The following GCFC2 variants were observed in gnomAD, a reference collection of about 807,000 sequenced individuals.
GCFC2 encodes intron Large complex component GCFC2.
Under a neutral mutation model 99.4 loss-of-function variants are expected in GCFC2, and 102 were observed. The observed-to-expected ratio is 1.03, with a 90% CI of 0.87 to 1.21. The LOEUF (loss-of-function observed/expected upper bound fraction) is 1.21. GCFC2 is among the 50% of genes most tolerant of loss of function. The pLI, the probability that GCFC2 is intolerant of heterozygous loss-of-function variation, is 0.00. For missense variants in GCFC2, 973 were observed against 920.9 expected (o/e 1.06, Z -0.73); for synonymous variants, 338 against 316.8 (o/e 1.07, Z -0.71).
At chr2:75,699,395 C>T (rs2104389139) in intron 4 of GCFC2, among the ~76,000 whole-genome samples, 1 of 152,266 alleles carries the variant, frequency 6.6e-6, no homozygotes, top group Admixed American at 6.5e-5. Flanking sequence ...ACACTAACAT[C>T]TCCATGAATG....
chr2:75,691,532 A>C (rs1298072324), intron 7 of GCFC2, among the ~76,000 whole-genome samples: 4 of 152,140 alleles, frequency 2.6e-5, no homozygotes, highest in African/African-American at 9.7e-5. Context: ...TAGCACCTTA[A>C]TCAAAGGAAG....
At chr2:75,668,607 GAACCCAA>G (rs1678954133) in intron 15 of GCFC2, among the ~76,000 whole-genome samples, 1 of 152,014 alleles carries the variant, frequency 6.6e-6, no homozygotes, top group Admixed American at 6.6e-5. Flanking sequence ...TAACTTTTGT[GAACCCAA>G]AAGTATCTGA....
chr2:75,669,818 G>A (rs1469344091), intron 15 of GCFC2, among the ~76,000 whole-genome samples: 1 of 151,946 alleles, frequency 6.6e-6, no homozygotes, highest in African/African-American at 2.4e-5. Context: ...TCTGCCTCCT[G>A]GGTTCAGGCG....
At chr2:75,689,922 C>G in intron 9 of GCFC2, 47 bp downstream of exon 9, 1 of 971,144 alleles carries the variant, frequency 1.0e-6, no homozygotes, top group Non-Finnish European at 1.6e-6. Context: ...GTGTTTCTCA[C>G]CATTTCAAAA....
At position 75,691,986 on chromosome 2, in the gene GCFC2, G is replaced by A; in HGVS notation, c.1135C>T (p.Gln379Ter). The A allele has an allele frequency of 1.3e-6, 2 of 1,527,982 alleles. No individual in the cohort carries two copies. The highest frequency in any genetic ancestry group is 1.8e-6 in the Non-Finnish European group (2 of 1,129,386). 94.7% of individuals were successfully genotyped at this position (1,527,982 alleles called of 1,614,324 possible). A position where few individuals can be genotyped will look rare whatever the true frequency, so the allele number is the denominator to read the frequency against. ...ELKHESTYLQ[Q>*]LSRKDETSTS... The stretch of plus-strand genomic sequence containing the variant: ...CACGAAAAACACTAACGTGATAACT[G>A]TTGTAAATACGTTGATTCATGTTTT... Residue 379 changes from glutamine (Q) to a stop codon, truncating the protein, a stop_gained, in exon 7 of 17, where the codon CAG becomes TAG. Coordinates refer to ENST00000321027, the MANE Select transcript of GCFC2 (RefSeq NM_003203.5). LOFTEE classifies it high-confidence loss of function.
intron 16 of GCFC2, among the ~76,000 whole-genome samples, chr2:75,665,484 G>A (rs575406466): frequency 3.7e-4 from 56 of 152,074 alleles, no homozygotes; most frequent in Middle Eastern, 3.4e-3. Flanking sequence ...TTTTTGGAGA[G>A]GGAGTTAACA....
chr2:75,699,759 T>A (rs1004946748), intron 4 of GCFC2, among the ~76,000 whole-genome samples: 1 of 151,848 alleles, frequency 6.6e-6, no homozygotes, highest in Non-Finnish European at 1.5e-5. Flanking sequence ...TTGTTTTTAG[T>A]AGAGTTCAGG....
intron 15 of GCFC2, 93 bp downstream of exon 15, chr2:75,670,045 C>A: frequency 2.5e-6 from 2 of 802,166 alleles, no homozygotes; most frequent in East Asian, 2.7e-5. Context: ...TATATGAGTA[C>A]CACACATTTA....
At position 75,705,903 on chromosome 2, in the gene GCFC2, G is replaced by T. The variant is rs951338996; in HGVS notation, c.394+620C>A. 2.0e-5 allele frequency among the ~76,000 whole-genome samples: 3 copies of T among 152,212 alleles called. No individual in the cohort carries two copies. In the East Asian group the frequency reaches 5.8e-4, roughly 29 times the overall value. On this transcript the variant is annotated intron_variant, in intron 2 of 16. Transcript: ENST00000321027. The stretch of plus-strand genomic sequence containing the variant: ...TCAACTCTGCTGCTGCAGTGCAAAA[G>T]CACCCACAAATATTAAGTAACTGAA...
At chr2:75,689,346 A>G (rs1210721208) in intron 9 of GCFC2, 121 bp from the exon 10 acceptor site, 3 of 562,806 alleles carry the variant, frequency 5.3e-6, no homozygotes, top group African/African-American at 2.0e-5. Context: ...TTATATTAAT[A>G]TAAATTTTTA....
At chr2:75,683,771 C>CAAAAAAAAAAAAAAGAAAAA (rs1679684754) in intron 11 of GCFC2, among the ~76,000 whole-genome samples, 1 of 60,424 alleles carries the variant, frequency 1.7e-5, no homozygotes, top group Non-Finnish European at 3.1e-5. Context: ...AAATGGAAAG[C>CAAAAAAAAAAAAAAGAAAAA]AAAAAAAAAA....
chr2:75,696,787 T>C (rs1284305588), intron 4 of GCFC2, among the ~76,000 whole-genome samples: 2 of 152,124 alleles, frequency 1.3e-5, no homozygotes, highest in Admixed American at 1.3e-4. Flanking sequence ...CTTTAAGACA[T>C]TCTTTCTTTT....
In GCFC2 at chr2:75,696,241, C is replaced by A. The variant is rs553656228; in HGVS notation, c.792G>T (p.Pro264=). 3.4e-6 allele frequency: 5 copies of A among 1,485,954 alleles called. 1 individual carries two copies. In the South Asian group the frequency reaches 3.4e-5, roughly 10 times the overall value. The allele number at this position is 1,485,954 out of a possible 1,614,324, so 92.0% of individuals were successfully genotyped here. The change falls in exon 5 of 17, where the codon CCG becomes CCT. Residue 264 remains proline, a synonymous_variant. Transcript: ENST00000321027. ...TCTTTATAATTTCTAAATTTACTGGCGGAAATGAAATGGAAGTATCAAATT... is the reference window on the plus strand; with the variant it reads ...TCTTTATAATTTCTAAATTTACTGGAGGAAATGAAATGGAAGTATCAAATT... ...VKKFDTSISF[P]PVNLEIIKKQ... is the part of the protein sequence containing the mutation.
In GCFC2 at chr2:75,670,278, G is replaced by C. The variant is rs750759938; in HGVS notation, c.1963C>G (p.Arg655Gly). The stretch of plus-strand genomic sequence containing the variant: ...AGTCCATTCCAAAGAAGAATATTGC[G>C]GAAGAGCTAAAATAAAATATCAAGT... Reference protein sequence around the residue: ...RQFWSGLKLFRNILLWNGLLT... With the variant: ...RQFWSGLKLFGNILLWNGLLT... Residue 655 changes from arginine to glycine, a missense_variant, in exon 15 of 17, where the codon CGC (arginine) becomes GGC (glycine). Coordinates refer to ENST00000321027, the MANE Select transcript of GCFC2 (RefSeq NM_003203.5). The C allele has an allele frequency of 6.3e-7, 1 of 1,597,174 alleles. No individual in the cohort carries two copies.
chr2:75,664,743 T>C lies in GCFC2; in HGVS notation c.2269A>G (p.Lys757Glu). 7.6e-6 allele frequency: 12 copies of C among 1,572,398 alleles called. No individual in the cohort carries two copies. Among genetic ancestry groups the C allele is most frequent in the Non-Finnish European group, 1.0e-5 (12 of 1,143,526 alleles). The change falls in exon 17 of 17, where the codon AAA becomes GAA. Residue 757 changes from lysine to glutamate, a missense_variant. Physicochemically the swap from Lys to Glu is moderately conservative, Grantham distance 56. Transcript: ENST00000321027. ...AAGGATTCTGCTTGATTCAAAGCTT[T>C]TATTTTCACCAAAATAAGAATTATT... Reference protein sequence around the residue: ...EEIILILVKIKALNQAESFIG... With the variant: ...EEIILILVKIEALNQAESFIG...
At chr2:75,666,736 T>A (rs1490739148) in intron 15 of GCFC2, among the ~76,000 whole-genome samples, 1 of 150,072 alleles carries the variant, frequency 6.7e-6, no homozygotes, top group Non-Finnish European at 1.5e-5. Flanking sequence ...AACTTCCTCA[T>A]AGCAGAAACA....
At chr2:75,700,410 T>C (rs11677947) in intron 4 of GCFC2, among the ~76,000 whole-genome samples, 29,042 of 152,078 alleles carry the variant, frequency 0.19, 3,493 homozygotes, top group South Asian at 0.26. Context: ...AGATTTAATA[T>C]ATAAATGATA....
intron 12 of GCFC2, among the ~76,000 whole-genome samples, chr2:75,677,395 A>G (rs553051785): frequency 3.9e-5 from 6 of 152,328 alleles, no homozygotes; most frequent in African/African-American, 1.4e-4. Context: ...ATGGGGCATT[A>G]TATAGTGTAA....
intron 15 of GCFC2, among the ~76,000 whole-genome samples, chr2:75,667,045 T>A (rs1157781788): frequency 1.3e-5 from 2 of 152,174 alleles, no homozygotes; most frequent in Non-Finnish European, 2.9e-5. Flanking sequence ...CTCGAGAGTC[T>A]TGGAAAGTTT....
Sources: allele counts gnomAD v4.1 joint callset (sites outside exome capture counted in the v4.1 genomes callset), GRCh38; gene constraint gnomAD v4.1.1; transcripts MANE v1.5; gene names NCBI Gene and HGNC (gene_info 2026-07-23, HGNC 2026-07-21).